The following CYP20A1 variants were observed in gnomAD, a reference collection of about 807,000 sequenced individuals.
CYP20A1 encodes the protein cytochrome P450 family 20 subfamily A member 1.
CYP20A1 carries 61 observed loss-of-function variants against 61.4 expected under a neutral mutation model. The ratio of observed to expected loss-of-function variants is 0.99; its 90% CI spans 0.81 to 1.23. CYP20A1 has a LOEUF of 1.23. CYP20A1 is among the 50% of genes most tolerant of loss of function. CYP20A1 has a pLI of 0.00. For synonymous variants in CYP20A1, 193 were observed against 188.2 expected (o/e 1.03, Z -0.21); for missense variants, 530 against 542.4 (o/e 0.98, Z 0.23).
intron 8 of CYP20A1, among the ~76,000 whole-genome samples, chr2:203,284,931 A>G (rs562960309): frequency 6.6e-6 from 1 of 151,590 alleles, no homozygotes; most frequent in East Asian, 1.9e-4. Flanking sequence ...TTTTTTGTAG[A>G]GATGGGGTTT....
At chr2:203,245,212 G>A (rs1002939643) in intron 1 of CYP20A1, among the ~76,000 whole-genome samples, 1 of 151,252 alleles carries the variant, frequency 6.6e-6, no homozygotes, top group African/African-American at 2.4e-5. Flanking sequence ...ATTTTTAGTA[G>A]AGAAGGGGTT....
chr2:203,260,283 C>A (rs796107860), intron 4 of CYP20A1, among the ~76,000 whole-genome samples: 2 of 152,024 alleles, frequency 1.3e-5, no homozygotes, highest in Non-Finnish European at 1.5e-5. Flanking sequence ...AGTGCAGTGG[C>A]GCAATTTCTG....
rs763764173 is a variant in CYP20A1 at position 203,301,914 on chromosome 2, CTTTTTTT to C, written c.*5022_*5028del. Among the ~76,000 whole-genome samples the C allele has an allele frequency of 3.0e-4, 31 of 103,550 alleles. No homozygotes were observed. The highest frequency in any genetic ancestry group is 6.2e-4 in the East Asian group (2 of 3,242). The allele number at this position is 103,550 out of a possible 152,430, so 67.9% of individuals were successfully genotyped here. ...TTTGAAGTTAACCACTGTTAAGATTCTTTTTTTTTTTTTTTTTTTTTTGTTTTGAGAC... is the reference window on the plus strand; with the variant it reads ...TTTGAAGTTAACCACTGTTAAGATTCTTTTTTTTTTTTTTTGTTTTGAGAC... On this transcript the variant is annotated 3_prime_UTR_variant, in exon 13 of 13. Transcript: ENST00000356079.
At position 203,296,881 on chromosome 2, in the gene CYP20A1, T is replaced by G; in HGVS notation, c.1362T>G (p.Ala454=). Residue 454 remains alanine (A), a synonymous_variant, in exon 13 of 13, where the codon GCT becomes GCG. Transcript: ENST00000356079. ...YELVTSSREE[A]WITVSKRY ...TGGTAACATCATCAAGGGAAGAAGC[T>G]TGGATCACTGTCTCAAAGAGATATT... is the stretch of plus-strand genomic sequence containing the variant. 6.3e-7 allele frequency: 1 copy of G among 1,598,996 alleles called. No individual in the cohort carries two copies. The highest frequency in any genetic ancestry group is 8.5e-7 in the Non-Finnish European group (1 of 1,174,118).
At chr2:203,291,198 A>G (rs1036723403) in intron 10 of CYP20A1, among the ~76,000 whole-genome samples, 2 of 151,846 alleles carry the variant, frequency 1.3e-5, no homozygotes, top group African/African-American at 2.4e-5. Flanking sequence ...AAGTAGCTGG[A>G]CTAAATTTTT....
At chr2:203,286,972 T>C (rs1369690112) in intron 9 of CYP20A1, among the ~76,000 whole-genome samples, 3 of 151,580 alleles carry the variant, frequency 2.0e-5, no homozygotes, top group Non-Finnish European at 4.4e-5. Context: ...TCCCACCAAT[T>C]TGGGAGGCCA....
chr2:203,246,670 A>G, intron 2 of CYP20A1, 85 bp from the exon 3 acceptor site: 1 of 1,162,622 alleles, frequency 8.6e-7, no homozygotes. Flanking sequence ...TCATTTATTG[A>G]TACAGTTAAT....
intron 1 of CYP20A1, among the ~76,000 whole-genome samples, chr2:203,245,012 G>A (rs1227368864): frequency 7.7e-5 from 11 of 142,278 alleles, no homozygotes; most frequent in South Asian, 4.6e-4. Context: ...GATTACAGGC[G>A]TGAGCCACCA....
At chr2:203,241,574 T>A (rs952024388) in intron 1 of CYP20A1, among the ~76,000 whole-genome samples, 1 of 152,218 alleles carries the variant, frequency 6.6e-6, no homozygotes, top group African/African-American at 2.4e-5. Context: ...AAGCCAGATG[T>A]TTTAAGCAGA....
intron 11 of CYP20A1, among the ~76,000 whole-genome samples, chr2:203,293,214 CTCTTTTTTTT>C: frequency 7.8e-6 from 1 of 128,902 alleles, no homozygotes; most frequent in Admixed American, 8.3e-5. Context: ...GAATTTCTCT[CTCTTTTTTTT>C]TTTTTTTTTG....
chr2:203,261,167 A>C (rs2067121221), intron 4 of CYP20A1, among the ~76,000 whole-genome samples: 1 of 151,924 alleles, frequency 6.6e-6, no homozygotes, highest in Non-Finnish European at 1.5e-5. Flanking sequence ...CCAGGAGTTC[A>C]AGACCCGCCT....
intron 5 of CYP20A1, among the ~76,000 whole-genome samples, chr2:203,269,748 C>T (rs2067486873): frequency 6.6e-6 from 1 of 152,058 alleles, no homozygotes; most frequent in African/African-American, 2.4e-5. Context: ...CCTGCCTCGG[C>T]CTCCCAAAGT....
chr2:203,267,312 C>T (rs935254786), intron 5 of CYP20A1, among the ~76,000 whole-genome samples: 2 of 151,608 alleles, frequency 1.3e-5, no homozygotes, highest in Admixed American at 6.6e-5. Context: ...GCAGGCAGAT[C>T]ACTTGAGATG....
In CYP20A1 at chr2:203,301,252, C is replaced by A. The variant is rs928540840; in HGVS notation, c.*4344C>A. ...TTTTTTCTTTTTCTTTTCTTTCTTT[C>A]TTTTCTTTTCTTTTTTTTTTTTGAG... On this transcript the variant is annotated 3_prime_UTR_variant, in exon 13 of 13. Transcript: ENST00000356079. Among the ~76,000 whole-genome samples the A allele has an allele frequency of 6.9e-6, 1 of 144,210 alleles. No homozygotes were observed. The highest frequency in any genetic ancestry group is 1.5e-5 in the Non-Finnish European group (1 of 65,732). The allele number at this position is 144,210 out of a possible 152,430, so 94.6% of individuals were successfully genotyped here.
chr2:203,251,290 C>G (rs543120193), intron 3 of CYP20A1, among the ~76,000 whole-genome samples: 1 of 151,144 alleles, frequency 6.6e-6, no homozygotes, highest in Non-Finnish European at 1.5e-5. Flanking sequence ...TACTTGATAA[C>G]CACAAATCAC....
intron 11 of CYP20A1, among the ~76,000 whole-genome samples, chr2:203,295,670 G>A (rs965720658): frequency 7.9e-5 from 12 of 152,128 alleles, no homozygotes; most frequent in South Asian, 4.1e-4. Flanking sequence ...AAAGTAGGCC[G>A]GGTGCCGTGG....
At chr2:203,254,501 T>C (rs2066820562) in intron 4 of CYP20A1, among the ~76,000 whole-genome samples, 1 of 149,538 alleles carries the variant, frequency 6.7e-6, no homozygotes, top group Non-Finnish European at 1.5e-5. Flanking sequence ...GCCAAGATCA[T>C]GCCACTCACT....
intron 4 of CYP20A1, among the ~76,000 whole-genome samples, chr2:203,266,043 T>G (rs1448493644): frequency 6.6e-6 from 1 of 152,152 alleles, no homozygotes; most frequent in African/African-American, 2.4e-5. Context: ...CATAGGTATT[T>G]AATAAATATT....
intron 4 of CYP20A1, among the ~76,000 whole-genome samples, chr2:203,255,538 T>G (rs1304000481): frequency 6.6e-6 from 1 of 152,212 alleles, no homozygotes; most frequent in Non-Finnish European, 1.5e-5. Flanking sequence ...AGAGGTTAGT[T>G]AAAAAGAAAG....
Sources: allele counts gnomAD v4.1 joint callset (sites outside exome capture counted in the v4.1 genomes callset), GRCh38; gene constraint gnomAD v4.1.1; transcripts MANE v1.5; gene names NCBI Gene and HGNC (gene_info 2026-07-23, HGNC 2026-07-21).